Variants in RANBP2 observed in about 807,000 individuals in gnomAD.
The protein encoded by RANBP2 is E3 SUMO-protein ligase RanBP2.
In RANBP2, 57 loss-of-function variants were observed where a neutral mutation model predicts 303.6. The ratio of observed to expected loss-of-function variants is 0.19; its 90% CI spans 0.15 to 0.23. The LOEUF is 0.23. Among genes scored for constraint, RANBP2 ranks in the 10% least tolerant of loss-of-function variants. The pLI is 1.00. For missense variants in RANBP2, 3,138 were observed against 3,780.8 expected, an observed-to-expected ratio of 0.83 and a Z score of 4.46; for synonymous variants, 1,167 against 1,301.5, an observed-to-expected ratio of 0.90 and a Z score of 2.23.
the RANBP2 span, among the ~76,000 whole-genome samples, chr2:108,800,690 A>T: frequency 8.8e-6 from 1 of 113,314 alleles, no homozygotes; most frequent in Non-Finnish European, 1.7e-5. Context: ...GGTTAGTTAC[A>T]CATGTATACA....
the RANBP2 span, among the ~76,000 whole-genome samples, chr2:109,466,171 C>T: frequency 6.7e-6 from 1 of 149,946 alleles, no homozygotes; most frequent in Non-Finnish European, 1.5e-5. Flanking sequence ...CAACCTCTGC[C>T]TCCCAGGTTC....
the RANBP2 span, among the ~76,000 whole-genome samples, chr2:109,335,723 G>A: frequency 2.0e-5 from 3 of 152,138 alleles, no homozygotes; most frequent in South Asian, 2.1e-4. Context: ...CAAACCCCAC[G>A]CCAGAACCGC....
At chr2:109,120,973 G>A in the RANBP2 span, among the ~76,000 whole-genome samples, 5 of 152,166 alleles carry the variant, frequency 3.3e-5, no homozygotes, top group African/African-American at 7.2e-5. Flanking sequence ...CTGGCTGGGC[G>A]CGGTGGCTCA....
the RANBP2 span, among the ~76,000 whole-genome samples, chr2:109,571,871 A>G: frequency 9.8e-5 from 15 of 152,306 alleles, no homozygotes; most frequent in East Asian, 2.9e-3. Context: ...AAGGGACTAC[A>G]TCAATATAAA....
the RANBP2 span, among the ~76,000 whole-genome samples, chr2:109,636,673 C>T: frequency 6.6e-6 from 1 of 152,152 alleles, no homozygotes; most frequent in African/African-American, 2.4e-5. Flanking sequence ...TGCAGTGGCT[C>T]ACACCTATAA....
At chr2:109,082,303 A>AT in the RANBP2 span, among the ~76,000 whole-genome samples, 2 of 151,330 alleles carry the variant, frequency 1.3e-5, no homozygotes, top group East Asian at 1.9e-4. Flanking sequence ...ATTTTATTTT[A>AT]TTTATTTATT....
chr2:109,370,316 T>G, the RANBP2 span, among the ~76,000 whole-genome samples: 4 of 151,928 alleles, frequency 2.6e-5, no homozygotes, highest in African/African-American at 7.3e-5. Context: ...CTCGGCTCAC[T>G]GCAACCTCTG....
At chr2:109,028,656 C>T in the RANBP2 span, among the ~76,000 whole-genome samples, 5 of 152,202 alleles carry the variant, frequency 3.3e-5, no homozygotes, top group Non-Finnish European at 7.3e-5. Flanking sequence ...ATTCCACAGG[C>T]CCTCCGAGGG....
chr2:109,482,757 G>A, the RANBP2 span, among the ~76,000 whole-genome samples: 1 of 152,204 alleles, frequency 6.6e-6, no homozygotes. Context: ...GGAAGGGCAG[G>A]GAACAACTGC....
chr2:109,399,348 A>G, the RANBP2 span, among the ~76,000 whole-genome samples: 9 of 152,356 alleles, frequency 5.9e-5, no homozygotes, highest in Middle Eastern at 3.4e-3. Flanking sequence ...CAAGAGAAAG[A>G]AGGAGTCAGA....
At chr2:108,795,758 G>C in the RANBP2 span, among the ~76,000 whole-genome samples, 1 of 152,184 alleles carries the variant, frequency 6.6e-6, no homozygotes, top group Non-Finnish European at 1.5e-5. Flanking sequence ...AATTGGAAAT[G>C]AGAGGTGTTC....
chr2:109,505,539 C>T, the RANBP2 span, among the ~76,000 whole-genome samples: 4 of 152,118 alleles, frequency 2.6e-5, no homozygotes, highest in Admixed American at 2.0e-4. Context: ...AAAGTGAACT[C>T]GTACAAGATT....
the RANBP2 span, among the ~76,000 whole-genome samples, chr2:109,147,290 GCTCT>G: frequency 1.1e-3 from 162 of 152,234 alleles, 9 homozygotes; most frequent in South Asian, 0.031. Flanking sequence ...AGGTGGTGCT[GCTCT>G]CTCTCTATCA....
the RANBP2 span, chr2:109,501,478 C>T: frequency 6.5e-6 from 5 of 769,256 alleles, no homozygotes; most frequent in Admixed American, 5.2e-5. Flanking sequence ...CTGTGTGGGG[C>T]TCACCCACTG....
the RANBP2 span, among the ~76,000 whole-genome samples, chr2:109,493,688 A>G: frequency 6.6e-6 from 1 of 151,808 alleles, no homozygotes; most frequent in South Asian, 2.1e-4. Flanking sequence ...CACACCATAC[A>G]CACACCACAC....
At chr2:108,958,726 G>T in the RANBP2 span, among the ~76,000 whole-genome samples, 1 of 152,176 alleles carries the variant, frequency 6.6e-6, no homozygotes, top group Admixed American at 6.5e-5. Flanking sequence ...TAGATATCTG[G>T]CCCAGGAGAC....
the RANBP2 span, among the ~76,000 whole-genome samples, chr2:109,449,981 C>T: frequency 1.7e-4 from 26 of 152,280 alleles, no homozygotes; most frequent in African/African-American, 5.1e-4. Flanking sequence ...TGAGAAGGAA[C>T]AGGAGAATGC....
At chr2:109,578,129 T>C in the RANBP2 span, among the ~76,000 whole-genome samples, 2 of 151,876 alleles carry the variant, frequency 1.3e-5, no homozygotes, top group African/African-American at 4.8e-5. Context: ...GAAAAATAAA[T>C]ATAGAACTGG....
the RANBP2 span, among the ~76,000 whole-genome samples, chr2:109,495,865 C>A: frequency 1.3e-5 from 2 of 152,140 alleles, no homozygotes; most frequent in African/African-American, 4.8e-5. Context: ...GGGTATAATA[C>A]TTGTAAATCA....
Sources: allele counts gnomAD v4.1 joint callset (sites outside exome capture counted in the v4.1 genomes callset), GRCh38; gene constraint gnomAD v4.1.1; transcripts MANE v1.5; gene names NCBI Gene and HGNC (gene_info 2026-07-23, HGNC 2026-07-21).